Variants in SLC39A11 observed in about 807,000 individuals in gnomAD.
SLC39A11 encodes solute carrier family 39 member 11.
In SLC39A11, 33 loss-of-function variants were observed where a neutral mutation model predicts 36.1. The observed-to-expected ratio is 0.91, with a 90% CI of 0.69 to 1.22. SLC39A11 has a LOEUF of 1.22. SLC39A11 is among the 50% of genes most tolerant of loss of function. SLC39A11 has a pLI of 0.00. For synonymous variants in SLC39A11, 166 were observed against 170.3 expected (o/e 0.97, Z 0.20); for missense variants, 432 against 430.3 (o/e 1.00, Z -0.03).
chr17:72,667,297 A>T (rs1230442391), intron 7 of SLC39A11, among the ~76,000 whole-genome samples: 1 of 152,162 alleles, frequency 6.6e-6, no homozygotes, highest in Non-Finnish European at 1.5e-5. Context: ...TCCTGCTGTT[A>T]CCCTGAAGCC....
chr17:72,944,025 C>A (rs1218441507), intron 5 of SLC39A11, among the ~76,000 whole-genome samples: 1 of 152,110 alleles, frequency 6.6e-6, no homozygotes, highest in African/African-American at 2.4e-5. Context: ...TCTGGCATCA[C>A]CCCATGACAG....
chr17:72,854,313 G>C (rs905094535), intron 5 of SLC39A11, among the ~76,000 whole-genome samples: 4 of 151,932 alleles, frequency 2.6e-5, no homozygotes, highest in African/African-American at 9.7e-5. Context: ...GGATGAAGTG[G>C]GGGGTGGGGT....
In SLC39A11 at chr17:72,759,129, T is replaced by TAATAATAATAATAATAATAAA. The variant is rs201794070; in HGVS notation, c.602-22411_602-22410insTTTATTATTATTATTATTATT. 2.9e-3 allele frequency among the ~76,000 whole-genome samples: 441 copies of TAATAATAATAATAATAATAAA among 150,868 alleles called. 2 individuals are homozygous for TAATAATAATAATAATAATAAA. Among genetic ancestry groups the TAATAATAATAATAATAATAAA allele is most frequent in the African/African-American group, 9.3e-3 (382 of 41,038 alleles). On this transcript the variant is annotated intron_variant, in intron 6 of 9. Transcript: ENST00000255559. ...ATAATAACAATAATAATAATAATAA[T>TAATAATAATAATAATAATAAA]AAATAATCTTGGAAAACAATTACAG... is the stretch of plus-strand genomic sequence containing the variant.
intron 6 of SLC39A11, among the ~76,000 whole-genome samples, chr17:72,780,892 CAGG>C (rs2076293958): frequency 6.6e-6 from 1 of 152,168 alleles, no homozygotes; most frequent in Admixed American, 6.5e-5. Flanking sequence ...GCGGCTGAAG[CAGG>C]AGAATTGCTT....
At chr17:72,710,645 C>T (rs891826706) in intron 7 of SLC39A11, among the ~76,000 whole-genome samples, 1 of 151,858 alleles carries the variant, frequency 6.6e-6, no homozygotes, top group Non-Finnish European at 1.5e-5. Flanking sequence ...TCATAAATTA[C>T]CCTGTCTATT....
At chr17:72,709,269 A>G (rs1426325284) in intron 7 of SLC39A11, among the ~76,000 whole-genome samples, 1 of 151,980 alleles carries the variant, frequency 6.6e-6, no homozygotes, top group Non-Finnish European at 1.5e-5. Flanking sequence ...CACTTGCCTG[A>G]TGAGGAAATA....
intron 7 of SLC39A11, among the ~76,000 whole-genome samples, chr17:72,652,482 G>A (rs73999710): frequency 0.011 from 1,605 of 152,224 alleles, 30 homozygotes; most frequent in African/African-American, 0.036. Flanking sequence ...ACCTGGGATG[G>A]TCCCTCTCAA....
chr17:72,995,003 A>G (rs1309785449), intron 4 of SLC39A11, among the ~76,000 whole-genome samples: 1 of 152,220 alleles, frequency 6.6e-6, no homozygotes, highest in East Asian at 1.9e-4. Context: ...TAGGCAGCCA[A>G]CAGCCATTCC....
At position 72,701,702 on chromosome 17, in the gene SLC39A11, T is replaced by C. The variant is rs1598389957; in HGVS notation, c.671+34948A>G. ...GAGGTTGTACCACTGTACTCCAGCCTGGGAGACAGAGGGAGATTCTGTCTC... is the reference window on the plus strand; with the variant it reads ...GAGGTTGTACCACTGTACTCCAGCCCGGGAGACAGAGGGAGATTCTGTCTC... On this transcript the variant is annotated intron_variant, in intron 7 of 9. Transcript: ENST00000255559. Among the ~76,000 whole-genome samples, 3 of 117,532 alleles carry C rather than the reference T, an allele frequency of 2.6e-5. No individual in the cohort carries two copies. The East Asian group carries it at 7.7e-4, about 30-fold the overall frequency. The allele number at this position is 117,532 out of a possible 152,430, so 77.1% of individuals were successfully genotyped here.
At chr17:73,081,708 T>C (rs2060532495) in intron 3 of SLC39A11, among the ~76,000 whole-genome samples, 1 of 145,546 alleles carries the variant, frequency 6.9e-6, no homozygotes, top group Admixed American at 7.1e-5. Context: ...TATGTATATA[T>C]ATACACATAT....
At chr17:72,647,819 A>T (rs184993323) in intron 9 of SLC39A11, among the ~76,000 whole-genome samples, 157 bp from the exon 10 acceptor site, 123 of 152,284 alleles carry the variant, frequency 8.1e-4, no homozygotes, top group Non-Finnish European at 1.5e-3. Flanking sequence ...CAGGCAAACT[A>T]ATGAACCATG....
chr17:72,828,457 T>C (rs1283659273), intron 6 of SLC39A11, among the ~76,000 whole-genome samples: 1 of 152,172 alleles, frequency 6.6e-6, no homozygotes, highest in African/African-American at 2.4e-5. Flanking sequence ...CCAGAAAGCA[T>C]GGCCACAGTA....
chr17:73,081,647 ACACACACACACAC>A (rs2060517332), intron 3 of SLC39A11, among the ~76,000 whole-genome samples: 1 of 148,174 alleles, frequency 6.7e-6, no homozygotes, highest in Non-Finnish European at 1.5e-5. Context: ...ACACACACAC[ACACACACACACAC>A]ACACACACAC....
chr17:72,927,821 C>T (rs1350198968), intron 5 of SLC39A11, among the ~76,000 whole-genome samples: 3 of 151,902 alleles, frequency 2.0e-5, no homozygotes, highest in Non-Finnish European at 2.9e-5. Context: ...CACACACACA[C>T]ATACACACAC....
intron 4 of SLC39A11, among the ~76,000 whole-genome samples, chr17:72,989,163 C>T (rs573260971): frequency 2.0e-5 from 3 of 152,288 alleles, no homozygotes; most frequent in Non-Finnish European, 2.9e-5. Flanking sequence ...TTTTCTACTA[C>T]GTGTCTTTCA....
At chr17:72,754,351 C>T (rs2075289240) in intron 6 of SLC39A11, among the ~76,000 whole-genome samples, 1 of 152,046 alleles carries the variant, frequency 6.6e-6, no homozygotes, top group Non-Finnish European at 1.5e-5. Flanking sequence ...GTGCATACTG[C>T]TCGGGTAGTG....
intron 5 of SLC39A11, among the ~76,000 whole-genome samples, chr17:72,861,683 AT>A (rs2080022707): frequency 2.4e-5 from 3 of 126,232 alleles, no homozygotes; most frequent in African/African-American, 6.1e-5. Flanking sequence ...ATATATATAT[AT>A]ATATAAAATA....
chr17:72,738,624 C>T (rs563590098), intron 6 of SLC39A11, among the ~76,000 whole-genome samples: 1 of 152,162 alleles, frequency 6.6e-6, no homozygotes, highest in South Asian at 2.1e-4. Context: ...AGCATCAGGG[C>T]GCTTCTGACA....
intron 6 of SLC39A11, among the ~76,000 whole-genome samples, chr17:72,743,525 A>G (rs2074804051): frequency 1.3e-5 from 2 of 152,176 alleles, no homozygotes; most frequent in Non-Finnish European, 2.9e-5. Context: ...ACGCTGCCTT[A>G]GGAGGCATCA....
Sources: gnomAD v4.1 joint callset for allele counts (sites outside exome capture counted in the v4.1 genomes callset) on GRCh38, gnomAD v4.1.1 for gene constraint, MANE v1.5 for transcripts, NCBI Gene and HGNC (gene_info 2026-07-23, HGNC 2026-07-21) for gene names.